The following APBB1IP variants were observed in gnomAD, a reference collection of about 807,000 sequenced individuals.
APBB1IP encodes amyloid beta precursor protein binding family B member 1 interacting protein.
Under a neutral mutation model 64.9 loss-of-function variants are expected in APBB1IP, and 27 were observed. The observed-to-expected ratio is 0.42, with a 90% CI of 0.31 to 0.57. The LOEUF is 0.57. Among genes scored for constraint, APBB1IP ranks in the 20% least tolerant of loss-of-function variants. The pLI is 0.20. For missense variants in APBB1IP, 812 were observed against 845.5 expected (o/e 0.96, Z 0.49); for synonymous variants, 392 against 331.0 (o/e 1.18, Z -2.00).
intron 2 of APBB1IP, among the ~76,000 whole-genome samples, chr10:26,478,090 A>G (rs1490780711): frequency 6.6e-6 from 1 of 152,208 alleles, no homozygotes; most frequent in Non-Finnish European, 1.5e-5. Context: ...GATGAGCGGG[A>G]AGAGAGTATA....
chr10:26,523,057 G>C (rs949883613), intron 8 of APBB1IP, among the ~76,000 whole-genome samples: 2 of 151,198 alleles, frequency 1.3e-5, no homozygotes, highest in Non-Finnish European at 2.9e-5. Flanking sequence ...ATGGGGAGGG[G>C]ACATCTCTTA....
chr10:26,537,289 C>G (rs1836637464), intron 10 of APBB1IP, among the ~76,000 whole-genome samples: 1 of 151,992 alleles, frequency 6.6e-6, no homozygotes, highest in South Asian at 2.1e-4. Flanking sequence ...ATGAATTTAC[C>G]TCTGATAAAG....
At position 26,475,921 on chromosome 10, in the gene APBB1IP, T is replaced by C. The variant is rs1588576588; in HGVS notation, c.1-16406T>C. ...TTCTGCTTCTTTTATTCTCCAGCTT[T>C]TCATTTTGAAAAGTTTCAAAGCTTA... On this transcript the variant is annotated intron_variant, in intron 2 of 14. Coordinates refer to ENST00000376236, the MANE Select transcript of APBB1IP (RefSeq NM_019043.4). 4.6e-5 allele frequency among the ~76,000 whole-genome samples: 7 copies of C among 152,290 alleles called. No individual in the cohort carries two copies. The South Asian group carries it at 1.5e-3, about 32-fold the overall frequency.
chr10:26,513,560 A>T lies in APBB1IP; in HGVS notation c.713A>T (p.Glu238Val). 1 of 1,611,922 alleles carries T rather than the reference A, an allele frequency of 6.2e-7. No homozygotes were observed. The highest frequency in any genetic ancestry group is 8.5e-7 in the Non-Finnish European group (1 of 1,179,548). ...LQIERFFEDH[E>V]NVVEVLSDWT... ...TCAGAGAGGTTTTTTGAAGACCATG[A>T]AAATGTTGTTGAAGTCTTATCAGAC... is the stretch of plus-strand genomic sequence containing the variant. The change falls in exon 8 of 15, where the codon GAA becomes GTA. Residue 238 changes from glutamate (E) to valine (V), a missense_variant. By Grantham distance (121) the Glu-to-Val change is moderately radical (BLOSUM62 -2). Around this residue, in one of 3 missense-constraint regions of APBB1IP, gnomAD observed 394 missense variants for 413.1 expected, o/e 0.95. Transcript: ENST00000376236.
intron 8 of APBB1IP, among the ~76,000 whole-genome samples, chr10:26,517,078 G>A (rs1302728396): frequency 6.6e-6 from 1 of 152,210 alleles, no homozygotes; most frequent in Non-Finnish European, 1.5e-5. Flanking sequence ...GAGGAGGTCA[G>A]CTCACCCTTT....
At chr10:26,465,174 T>G (rs1402455181) in intron 2 of APBB1IP, among the ~76,000 whole-genome samples, 1 of 152,230 alleles carries the variant, frequency 6.6e-6, no homozygotes, top group African/African-American at 2.4e-5. Flanking sequence ...TCATTTTCCA[T>G]ATATGAAAAA....
chr10:26,539,598 C>T (rs1390772047), intron 10 of APBB1IP, among the ~76,000 whole-genome samples: 3 of 151,878 alleles, frequency 2.0e-5, no homozygotes, highest in Non-Finnish European at 1.5e-5. Context: ...AAAATTATAA[C>T]GGAGAAAAAT....
chr10:26,546,564 T>C (rs193063054), intron 11 of APBB1IP, among the ~76,000 whole-genome samples: 1 of 152,316 alleles, frequency 6.6e-6, no homozygotes, highest in African/African-American at 2.4e-5. Context: ...CTTCTAGCTG[T>C]TTGAAATATA....
intron 2 of APBB1IP, among the ~76,000 whole-genome samples, chr10:26,470,463 C>T (rs569765083): frequency 6.6e-6 from 1 of 152,232 alleles, no homozygotes; most frequent in African/African-American, 2.4e-5. Flanking sequence ...TGCTTGAACC[C>T]AGGAAGAAGA....
chr10:26,445,888 G>A (rs574423201), intron 2 of APBB1IP, among the ~76,000 whole-genome samples: 11,638 of 152,218 alleles, frequency 0.076, 1,433 homozygotes, highest in African/African-American at 0.26. Flanking sequence ...CAGTGATCGA[G>A]ATAAGTGACA....
intron 2 of APBB1IP, among the ~76,000 whole-genome samples, chr10:26,456,956 C>A (rs777819589): frequency 6.6e-6 from 1 of 152,084 alleles, no homozygotes; most frequent in Non-Finnish European, 1.5e-5. Flanking sequence ...ACCAGACAAA[C>A]TGATCATATT....
intron 8 of APBB1IP, among the ~76,000 whole-genome samples, chr10:26,519,855 T>A (rs1006855714): frequency 6.6e-6 from 1 of 152,218 alleles, no homozygotes; most frequent in African/African-American, 2.4e-5. Flanking sequence ...GCATACATAG[T>A]GGCTTCTGCC....
At chr10:26,552,097 G>A (rs1423946568) in intron 11 of APBB1IP, among the ~76,000 whole-genome samples, 1 of 152,154 alleles carries the variant, frequency 6.6e-6, no homozygotes, top group Admixed American at 6.5e-5. Flanking sequence ...CCAGGAGCTC[G>A]AGACCAGCCT....
At chr10:26,488,568 G>T (rs531145794) in intron 2 of APBB1IP, among the ~76,000 whole-genome samples, 72 of 152,274 alleles carry the variant, frequency 4.7e-4, no homozygotes, top group African/African-American at 1.7e-3. Flanking sequence ...ATATGATTCA[G>T]ATACTTTGTA....
intron 2 of APBB1IP, among the ~76,000 whole-genome samples, chr10:26,484,454 C>G (rs1399893715): frequency 1.3e-5 from 2 of 152,066 alleles, no homozygotes; most frequent in African/African-American, 4.8e-5. Flanking sequence ...AGGTGCGCAC[C>G]ACCACGCCCA....
intron 2 of APBB1IP, among the ~76,000 whole-genome samples, chr10:26,487,522 A>G (rs995667207): frequency 1.3e-5 from 2 of 152,156 alleles, no homozygotes; most frequent in African/African-American, 4.8e-5. Context: ...TTTCAGCACA[A>G]TTTTGATGTT....
At chr10:26,533,615 AAGAC>A in intron 9 of APBB1IP, 90 bp downstream of exon 9, 1 of 755,012 alleles carries the variant, frequency 1.3e-6, no homozygotes, top group South Asian at 2.7e-5. Flanking sequence ...GAAAAATCTA[AAGAC>A]ATACACTGAA....
chr10:26,555,163 C>A (rs527367455), intron 11 of APBB1IP, among the ~76,000 whole-genome samples: 4 of 152,022 alleles, frequency 2.6e-5, no homozygotes, highest in Non-Finnish European at 5.9e-5. Flanking sequence ...CCCATTGAGC[C>A]CTCCCTCAGT....
chr10:26,565,799 G>C (rs753553180), intron 14 of APBB1IP, among the ~76,000 whole-genome samples: 1 of 152,198 alleles, frequency 6.6e-6, no homozygotes, highest in Non-Finnish European at 1.5e-5. Context: ...GTGGGATATG[G>C]GGAAGAGGAG....
Sources: gnomAD v4.1 joint callset for allele counts (sites outside exome capture counted in the v4.1 genomes callset) on GRCh38, gnomAD v4.1.1 for gene constraint, gnomAD v4.1.1 regional missense constraint, MANE v1.5 for transcripts, NCBI Gene and HGNC (gene_info 2026-07-23, HGNC 2026-07-21) for gene names.